Variants in CAMK1D observed in about 807,000 individuals in gnomAD.
CAMK1D encodes calcium/calmodulin-dependent protein kinase type 1D.
In CAMK1D, 9 loss-of-function variants were observed where a neutral mutation model predicts 47.7. That is an observed-to-expected ratio of 0.19 (90% CI 0.11 to 0.33). The LOEUF (loss-of-function observed/expected upper bound fraction) is 0.33. Ranked by LOEUF, CAMK1D falls within the 10% of genes least tolerant of loss-of-function variation. CAMK1D has a pLI of 1.00. For missense variants in CAMK1D, 291 were observed against 488.7 expected (o/e 0.60, Z 3.81); for synonymous variants, 184 against 184.9 (o/e 0.99, Z 0.04).
intron 1 of CAMK1D, among the ~76,000 whole-genome samples, chr10:12,486,535 A>ACG (rs908084575): frequency 2.0e-5 from 3 of 147,076 alleles, no homozygotes; most frequent in African/African-American, 7.5e-5. Context: ...GCGCGTGCAC[A>ACG]CACACACACA....
At chr10:12,807,495 G>A (rs1007435157) in intron 6 of CAMK1D, among the ~76,000 whole-genome samples, 9 of 152,222 alleles carry the variant, frequency 5.9e-5, no homozygotes, top group Non-Finnish European at 1.3e-4. Flanking sequence ...CCAGGGATGG[G>A]GCTGCCTCAG....
At chr10:12,459,130 C>G (rs1238608635) in intron 1 of CAMK1D, among the ~76,000 whole-genome samples, 3 of 152,246 alleles carry the variant, frequency 2.0e-5, no homozygotes, top group Non-Finnish European at 4.4e-5. Flanking sequence ...CCACCTGCCT[C>G]GTCCTCCCAA....
chr10:12,689,537 G>A (rs997875065), intron 3 of CAMK1D, among the ~76,000 whole-genome samples: 4 of 152,138 alleles, frequency 2.6e-5, no homozygotes, highest in Non-Finnish European at 5.9e-5. Context: ...AGCACTTTGG[G>A]AGGCCGAGGC....
intron 1 of CAMK1D, among the ~76,000 whole-genome samples, chr10:12,484,300 C>T (rs1004875707): frequency 6.6e-6 from 1 of 152,234 alleles, no homozygotes; most frequent in Non-Finnish European, 1.5e-5. Context: ...CGCCATCTCT[C>T]TTCGTGTTTC....
intron 3 of CAMK1D, among the ~76,000 whole-genome samples, chr10:12,714,726 A>G (rs771429598): frequency 2.6e-5 from 4 of 151,622 alleles, no homozygotes; most frequent in African/African-American, 9.7e-5. Context: ...CTCAAAAAAT[A>G]AATAAGTAAA....
chr10:12,395,314 G>A (rs763892521), intron 1 of CAMK1D, among the ~76,000 whole-genome samples: 3 of 151,534 alleles, frequency 2.0e-5, no homozygotes, highest in African/African-American at 7.3e-5. Context: ...TGCAGCCCCC[G>A]CCTCCGCAGA....
chr10:12,372,720 C>T (rs1406607243), intron 1 of CAMK1D, among the ~76,000 whole-genome samples: 2 of 152,212 alleles, frequency 1.3e-5, no homozygotes. Flanking sequence ...CCTCGACTTC[C>T]TGGATTCAGG....
chr10:12,664,733 T>G (rs765491418), intron 2 of CAMK1D, among the ~76,000 whole-genome samples: 18 of 152,200 alleles, frequency 1.2e-4, no homozygotes, highest in Admixed American at 2.6e-4. Flanking sequence ...ATGCAATACT[T>G]GGGACGTACT....
At chr10:12,799,450 T>C (rs192070160) in intron 6 of CAMK1D, among the ~76,000 whole-genome samples, 3 of 151,012 alleles carry the variant, frequency 2.0e-5, no homozygotes, top group Admixed American at 2.0e-4. Context: ...GGAAGGAAGC[T>C]AGGGAGGGAA....
At chr10:12,640,143 T>A (rs139773687) in intron 2 of CAMK1D, among the ~76,000 whole-genome samples, 91 of 152,286 alleles carry the variant, frequency 6.0e-4, no homozygotes, top group Admixed American at 1.4e-3. Flanking sequence ...CAATTTCTCC[T>A]CTTAGAAAAC....
intron 7 of CAMK1D, among the ~76,000 whole-genome samples, chr10:12,815,494 A>C (rs979412875): frequency 6.6e-6 from 1 of 152,238 alleles, no homozygotes; most frequent in African/African-American, 2.4e-5. Context: ...GGCTCGCGGG[A>C]AAGAGCCACA....
chr10:12,742,071 C>T (rs79704477), intron 3 of CAMK1D, among the ~76,000 whole-genome samples: 3,975 of 152,262 alleles, frequency 0.026, 110 homozygotes, highest in African/African-American at 0.063. Flanking sequence ...CACATAAGGC[C>T]CATCTTGCCC....
intron 1 of CAMK1D, among the ~76,000 whole-genome samples, chr10:12,444,595 A>T (rs1278748061): frequency 2.6e-5 from 4 of 152,222 alleles, no homozygotes; most frequent in Non-Finnish European, 4.4e-5. Context: ...TTTAAGGTGT[A>T]CATTGGTTTG....
chr10:12,645,683 A>G (rs965372489), intron 2 of CAMK1D, among the ~76,000 whole-genome samples: 2 of 152,208 alleles, frequency 1.3e-5, no homozygotes, highest in Non-Finnish European at 2.9e-5. Context: ...AGCGTTCCCC[A>G]AAACACAAGC....
At position 12,470,618 on chromosome 10, in the gene CAMK1D, G is replaced by A. The variant is rs1007372857; in HGVS notation, c.93-82607G>A. Among the ~76,000 whole-genome samples, 10 of 151,808 alleles carry A rather than the reference G, an allele frequency of 6.6e-5. 1 individual carries two copies. Among genetic ancestry groups the A allele is most frequent in the South Asian group, 6.3e-4 (3 of 4,800 alleles). The stretch of plus-strand genomic sequence containing the variant: ...TGCAACCTCTGCCTCCTGGGTTCAA[G>A]CGAGTCTGCTGCCTCAGCCTCCCGA... On this transcript the variant is annotated intron_variant, in intron 1 of 10. Coordinates refer to ENST00000619168, the MANE Select transcript of CAMK1D (RefSeq NM_153498.4).
At chr10:12,781,030 C>A (rs765220262) in intron 5 of CAMK1D, among the ~76,000 whole-genome samples, 33 of 152,200 alleles carry the variant, frequency 2.2e-4, no homozygotes, top group Admixed American at 2.2e-3. Flanking sequence ...TGAGGAGCCC[C>A]ATCCCACACA....
rs111807347 is a variant in CAMK1D at position 12,419,640 on chromosome 10, G to GCACACACACACACACACACA, written c.92+69740_92+69759dup. On this transcript the variant is annotated intron_variant, in intron 1 of 10. Coordinates refer to ENST00000619168, the MANE Select transcript of CAMK1D (RefSeq NM_153498.4). Reference sequence around the variant, plus strand: ...TCAGTCTTAGATCAGAAGAGAAAATGCACACACACACACACACACACACAC... The same window carrying GCACACACACACACACACACA: ...TCAGTCTTAGATCAGAAGAGAAAATGCACACACACACACACACACACACACACACACACACACACACACAC... 2.7e-5 allele frequency among the ~76,000 whole-genome samples: 4 copies of GCACACACACACACACACACA among 147,192 alleles called. No individual in the cohort carries two copies. In the East Asian group the frequency reaches 8.0e-4, roughly 29 times the overall value.
At chr10:12,419,994 C>A (rs887909389) in intron 1 of CAMK1D, among the ~76,000 whole-genome samples, 1 of 150,806 alleles carries the variant, frequency 6.6e-6, no homozygotes, top group African/African-American at 2.4e-5. Flanking sequence ...GAGTCTTGCT[C>A]TGTCGCCCAG....
chr10:12,717,302 A>G (rs1333595539), intron 3 of CAMK1D, among the ~76,000 whole-genome samples: 1 of 152,198 alleles, frequency 6.6e-6, no homozygotes, highest in African/African-American at 2.4e-5. Flanking sequence ...TTGCCAGTAA[A>G]ATCAGTATAA....
Sources: allele counts gnomAD v4.1 joint callset (sites outside exome capture counted in the v4.1 genomes callset), GRCh38; gene constraint gnomAD v4.1.1; transcripts MANE v1.5; gene names NCBI Gene and HGNC (gene_info 2026-07-23, HGNC 2026-07-21).